Variants in ABTB3 observed in about 807,000 individuals in gnomAD.
The protein encoded by ABTB3 is ankyrin repeat and BTB domain containing 3, also known as ankyrin repeat- and BTB/POZ domain-containing protein 3.
chr12:107,319,841 T>A, the ABTB3 span: 5 of 1,226,424 alleles, frequency 4.1e-6, no homozygotes, highest in Non-Finnish European at 5.2e-6. Flanking sequence ...CGGCGGCGCC[T>A]GCAGCGCAGC....
At chr12:107,644,903 C>A in the ABTB3 span, among the ~76,000 whole-genome samples, 1 of 148,238 alleles carries the variant, frequency 6.7e-6, no homozygotes, top group Middle Eastern at 3.5e-3. Context: ...ATGTTGCCAC[C>A]AAGGACATGA....
At chr12:107,373,020 G>A in the ABTB3 span, among the ~76,000 whole-genome samples, 1 of 152,116 alleles carries the variant, frequency 6.6e-6, no homozygotes, top group South Asian at 2.1e-4. Flanking sequence ...AGCATCCCTG[G>A]CCTCTACCCA....
the ABTB3 span, among the ~76,000 whole-genome samples, chr12:107,506,665 A>C: frequency 6.6e-6 from 1 of 152,342 alleles, no homozygotes; most frequent in African/African-American, 2.4e-5. Context: ...CAGTTTACAC[A>C]GTTGTGTTTG....
chr12:107,413,033 G>A, the ABTB3 span, among the ~76,000 whole-genome samples: 1 of 152,072 alleles, frequency 6.6e-6, no homozygotes, highest in African/African-American at 2.4e-5. Flanking sequence ...CCAGCACTTT[G>A]GGAGGCCGAA....
the ABTB3 span, among the ~76,000 whole-genome samples, chr12:107,462,319 C>A: frequency 6.6e-6 from 1 of 152,148 alleles, no homozygotes; most frequent in Non-Finnish European, 1.5e-5. Flanking sequence ...TTTCTGAGAG[C>A]GGAGAAGTCC....
chr12:107,458,396 C>G, the ABTB3 span, among the ~76,000 whole-genome samples: 1 of 152,176 alleles, frequency 6.6e-6, no homozygotes, highest in Non-Finnish European at 1.5e-5. Context: ...GTCCATGCCT[C>G]TGGGTAGTTG....
chr12:107,542,624 A>G, the ABTB3 span, among the ~76,000 whole-genome samples: 1 of 152,194 alleles, frequency 6.6e-6, no homozygotes, highest in Non-Finnish European at 1.5e-5. Flanking sequence ...CTGAACCCCT[A>G]TGCAGTCAAA....
the ABTB3 span, among the ~76,000 whole-genome samples, chr12:107,513,788 G>A: frequency 2.6e-5 from 4 of 152,160 alleles, no homozygotes; most frequent in East Asian, 7.7e-4. Flanking sequence ...AGGCACATTG[G>A]GAGGCAGCAA....
chr12:107,403,602 T>C, the ABTB3 span, among the ~76,000 whole-genome samples: 1 of 152,218 alleles, frequency 6.6e-6, no homozygotes, highest in Admixed American at 6.5e-5. Context: ...TCATAAATGT[T>C]ATTCACCTTA....
At chr12:107,349,308 A>G in the ABTB3 span, among the ~76,000 whole-genome samples, 3 of 152,186 alleles carry the variant, frequency 2.0e-5, no homozygotes, top group African/African-American at 4.8e-5. Flanking sequence ...CCCTTTCCCA[A>G]GAGGAGGAAT....
At chr12:107,628,422 C>T in the ABTB3 span, among the ~76,000 whole-genome samples, 1 of 152,176 alleles carries the variant, frequency 6.6e-6, no homozygotes, top group African/African-American at 2.4e-5. Context: ...AGACTATAGG[C>T]GTGAGCCACC....
chr12:107,621,027 G>A, the ABTB3 span, among the ~76,000 whole-genome samples: 1 of 152,112 alleles, frequency 6.6e-6, no homozygotes. Context: ...CTGCCGGGCT[G>A]GGCTGTGTGA....
the ABTB3 span, among the ~76,000 whole-genome samples, chr12:107,441,746 T>G: frequency 7.4e-6 from 1 of 135,026 alleles, no homozygotes; most frequent in Admixed American, 8.0e-5. Context: ...AAGACCAGCC[T>G]GGGCAATATA....
the ABTB3 span, chr12:107,581,335 G>A: frequency 7.7e-7 from 1 of 1,300,458 alleles, no homozygotes; most frequent in Non-Finnish European, 9.7e-7. Context: ...GGGGCGGCAG[G>A]GGAGGGAGGG....
the ABTB3 span, among the ~76,000 whole-genome samples, chr12:107,653,712 C>T: frequency 0.11 from 17,030 of 151,982 alleles, 1,221 homozygotes; most frequent in African/African-American, 0.19. Context: ...ATAAGGAGAC[C>T]GAAGCACAGA....
chr12:107,416,157 G>A, the ABTB3 span, among the ~76,000 whole-genome samples: 1 of 152,176 alleles, frequency 6.6e-6, no homozygotes, highest in Non-Finnish European at 1.5e-5. Flanking sequence ...TCATGACGGA[G>A]CCCAGAATCC....
the ABTB3 span, among the ~76,000 whole-genome samples, chr12:107,520,845 C>T: frequency 3.3e-5 from 5 of 152,194 alleles, no homozygotes; most frequent in South Asian, 2.1e-4. Flanking sequence ...TTCCTGGTTC[C>T]GCCATAAATG....
At chr12:107,581,398 A>T in the ABTB3 span, 1 of 1,084,832 alleles carries the variant, frequency 9.2e-7, no homozygotes, top group South Asian at 2.7e-5. Context: ...GGGCGGCCTG[A>T]GCCCCGCACA....
At chr12:107,651,240 T>A in the ABTB3 span, among the ~76,000 whole-genome samples, 45,560 of 151,666 alleles carry the variant, frequency 0.3, 7,182 homozygotes, top group East Asian at 0.53. Flanking sequence ...CTCTGAGGAG[T>A]GAGACAGGGC....
Sources: allele counts gnomAD v4.1 joint callset (sites outside exome capture counted in the v4.1 genomes callset), GRCh38; gene constraint gnomAD v4.1.1; transcripts MANE v1.5; gene names NCBI Gene and HGNC (gene_info 2026-07-23, HGNC 2026-07-21).